The following MTOR variants were observed in gnomAD, a reference collection of about 807,000 sequenced individuals.
The protein encoded by MTOR is serine/threonine-protein kinase mTOR.
MTOR carries 70 observed loss-of-function variants against 319.8 expected under a neutral mutation model. The observed-to-expected ratio is 0.22, with a 90% CI of 0.18 to 0.27. The LOEUF (loss-of-function observed/expected upper bound fraction) is 0.27. MTOR is among the 10% of genes least tolerant of loss of function. The pLI is 1.00. For synonymous variants in MTOR, 1,183 were observed against 1,211.4 expected (o/e 0.98, Z 0.49); for missense variants, 1,890 against 3,274.4 (o/e 0.58, Z 10.32).
intron 4 of MTOR, 110 bp downstream of exon 4, chr1:11,256,823 G>T: frequency 9.7e-7 from 1 of 1,030,336 alleles, no homozygotes. Context: ...TGGAATCCTA[G>T]CTCTTCTAAC....
rs751644112 is a variant in MTOR at position 11,139,371 on chromosome 1, G to A, written c.5063C>T (p.Pro1688Leu). Residue 1688 changes from proline (P) to leucine (L), a missense_variant, in exon 36 of 58, where the codon CCT becomes CTT. Physicochemically the swap from Pro to Leu is moderately conservative, Grantham distance 98. This residue lies in a region of MTOR where 276 missense variants were observed against 459.4 expected (regional missense o/e 0.60). Transcript: ENST00000361445. Reference protein sequence around the residue: ...GVDPSRQLDHPLPTVHPQVTY... With the variant: ...GVDPSRQLDHLLPTVHPQVTY... Reference sequence around the variant, plus strand: ...CACCTGAGGGTGAACTGTTGGCAGAGGATGGTCAAGTTGCCGAGACGGATC... The same window carrying A: ...CACCTGAGGGTGAACTGTTGGCAGAAGATGGTCAAGTTGCCGAGACGGATC... The A allele has an allele frequency of 6.2e-7, 1 of 1,613,698 alleles. No individual in the cohort carries two copies. The highest frequency in any genetic ancestry group is 8.5e-7 in the Non-Finnish European group (1 of 1,179,912).
At chr1:11,258,163 C>T (rs182962850) in intron 3 of MTOR, among the ~76,000 whole-genome samples, 103 of 151,658 alleles carry the variant, frequency 6.8e-4, no homozygotes, top group African/African-American at 2.2e-3. Flanking sequence ...CTTTTCCATT[C>T]GTGAGCCCCA....
intron 16 of MTOR, among the ~76,000 whole-genome samples, chr1:11,232,046 C>T (rs938859014): frequency 1.3e-5 from 2 of 152,134 alleles, no homozygotes; most frequent in East Asian, 1.9e-4. Context: ...TAATTTTAGT[C>T]TAGTCATCTA....
At position 11,247,682 on chromosome 1, in the gene MTOR, T is replaced by C; in HGVS notation, c.1168A>G (p.Met390Val). ...CRNSKNSLIQ[M>V]TILNLLPRLA... ...CGGGGCAACAAATTAAGGATTGTCATTTGGATCAGCGAGTTCTTGCTATTC... is the reference window on the plus strand; with the variant it reads ...CGGGGCAACAAATTAAGGATTGTCACTTGGATCAGCGAGTTCTTGCTATTC... Residue 390 changes from methionine to valine, a missense_variant, in exon 8 of 58, where the codon ATG (methionine) becomes GTG (valine). This residue lies in a region of MTOR where 418 missense variants were observed against 543.1 expected (regional missense o/e 0.77). Coordinates refer to ENST00000361445, the MANE Select transcript of MTOR (RefSeq NM_004958.4). 1 of 1,614,166 alleles carries C rather than the reference T, an allele frequency of 6.2e-7. No homozygotes were observed. Among genetic ancestry groups the C allele is most frequent in the Non-Finnish European group, 8.5e-7 (1 of 1,180,030 alleles).
At chr1:11,211,588 A>T (rs1298593041) in intron 23 of MTOR, among the ~76,000 whole-genome samples, 1 of 152,110 alleles carries the variant, frequency 6.6e-6, no homozygotes, top group Non-Finnish European at 1.5e-5. Flanking sequence ...GTTGGTCTCC[A>T]ACTCCTGATC....
Position 11,204,579 on chromosome 1 carries a change from G to A in MTOR, c.3926C>T (p.Ala1309Val). The A allele has an allele frequency of 6.2e-7, 1 of 1,614,122 alleles. No individual in the cohort carries two copies. The highest frequency in any genetic ancestry group is 8.5e-7 in the Non-Finnish European group (1 of 1,179,974). Residue 1309 changes from alanine to valine, a missense_variant, in exon 26 of 58, where the codon GCC becomes GTC. Ala to Val is a moderately conservative substitution (Grantham distance 64). Transcript: ENST00000361445. ...ACTATACCTGGCCATCGGGTTGTAG[G>A]CCTGTGCCAGGGCCCAGCAGGAGCG... ...SLRSCWALAQ[A>V]YNPMARDLFN...
In MTOR at chr1:11,247,940, C is replaced by T; in HGVS notation, c.995G>A (p.Gly332Glu). 1 of 1,614,166 alleles carries T rather than the reference C, an allele frequency of 6.2e-7. No individual in the cohort carries two copies. Among genetic ancestry groups the T allele is most frequent in the Non-Finnish European group, 8.5e-7 (1 of 1,180,026 alleles). The change falls in exon 7 of 58, where the codon GGG (glycine) becomes GAG (glutamate). Residue 332 changes from glycine to glutamate, a missense_variant. Physicochemically the swap from Gly to Glu is moderately conservative, Grantham distance 98. Around this residue, in one of 15 missense-constraint regions of MTOR, gnomAD observed 418 missense variants for 543.1 expected, o/e 0.77. Transcript: ENST00000361445. Reference protein sequence around the residue: ...VQPQQSNALVGLLGYSSHQGL... With the variant: ...VQPQQSNALVELLGYSSHQGL... ...TTGGTGAGAGCTGTACCCCAGCAGC[C>T]CCACCAAGGCATTTGACTGCTGGGG...
rs1647050470 is a variant in MTOR at position 11,232,432 on chromosome 1, T to C, written c.2514+4A>G. On this transcript the variant is annotated splice_donor_region_variant and intron_variant, in intron 16 of 57. Coordinates refer to ENST00000361445, the MANE Select transcript of MTOR (RefSeq NM_004958.4). ...TTGCTCAATCAGGAAGCAGTAATAC[T>C]CACCTGCCTTTTGGCCAACAAAGAG... is the stretch of plus-strand genomic sequence containing the variant. The C allele has an allele frequency of 6.2e-7, 1 of 1,610,832 alleles. No homozygotes were observed. The highest frequency in any genetic ancestry group is 1.1e-5 in the South Asian group (1 of 91,012).
At position 11,238,405 on chromosome 1, in the gene MTOR, G is replaced by C; in HGVS notation, c.1999C>G (p.Pro667Ala). The C allele has an allele frequency of 6.2e-7, 1 of 1,613,842 alleles. No homozygotes were observed. Among genetic ancestry groups the C allele is most frequent in the Non-Finnish European group, 8.5e-7 (1 of 1,180,002 alleles). Residue 667 changes from proline (P) to alanine (A), a missense_variant, in exon 12 of 58, where the codon CCT becomes GCT. Pro to Ala is a conservative substitution (Grantham distance 27). Transcript: ENST00000361445. ...CCTTCTGTCTGGCAAGCCTTACCAG[G>C]ATCTGTTATCCCAACTACGAGCAGT... ...SKLLVVGITDPDPDIRYCVLA... is the reference protein window; with the variant it reads ...SKLLVVGITDADPDIRYCVLA...
intron 33 of MTOR, 23 bp downstream of exon 33, chr1:11,144,945 T>G: frequency 6.2e-7 from 1 of 1,610,694 alleles, no homozygotes; most frequent in South Asian, 1.1e-5. Flanking sequence ...AAAATGACAA[T>G]GTGCAGAATA....
chr1:11,143,509 A>G (rs1321272989), intron 34 of MTOR, among the ~76,000 whole-genome samples: 7 of 152,234 alleles, frequency 4.6e-5, no homozygotes, highest in Non-Finnish European at 7.3e-5. Flanking sequence ...CCATCAAAAC[A>G]TTCACTGGGC....
At chr1:11,239,772 A>T (rs982702961) in intron 11 of MTOR, among the ~76,000 whole-genome samples, 5 of 151,926 alleles carry the variant, frequency 3.3e-5, no homozygotes, top group Non-Finnish European at 7.4e-5. Flanking sequence ...GGGTGTGGTG[A>T]CACGCGCCTA....
intron 2 of MTOR, 113 bp from the exon 3 acceptor site, chr1:11,258,706 C>A (rs2076657): frequency 2.3e-5 from 16 of 697,562 alleles, no homozygotes; most frequent in East Asian, 7.9e-5. Flanking sequence ...TAGTTCAAAC[C>A]AAAGAAGACA....
intron 57 of MTOR, 34 bp from the exon 58 acceptor site, chr1:11,107,534 A>T (rs369319411): frequency 6.2e-7 from 1 of 1,609,908 alleles, no homozygotes; most frequent in Non-Finnish European, 8.5e-7. Flanking sequence ...ATATTTTAAT[A>T]ATTTGAGCTT....
chr1:11,244,995 T>C (rs1344806365), intron 8 of MTOR, among the ~76,000 whole-genome samples: 1 of 152,214 alleles, frequency 6.6e-6, no homozygotes, highest in East Asian at 1.9e-4. Context: ...CGTTAAGCAA[T>C]ATATGACTGT....
Position 11,144,769 on chromosome 1 carries a change from A to G in MTOR, c.4765-14T>C, listed in dbSNP as rs1441425041. ...AGAAACCATGGCCTGATGGAAGCAA[A>G]TCGCATTCCAAACTAATTACTGCAC... On this transcript the variant is annotated splice_polypyrimidine_tract_variant and intron_variant, in intron 33 of 57. Transcript: ENST00000361445. The G allele has an allele frequency of 6.2e-7, 1 of 1,609,370 alleles. No homozygotes were observed. The highest frequency in any genetic ancestry group is 1.1e-5 in the South Asian group (1 of 91,030).
intron 15 of MTOR, 152 bp downstream of exon 15, chr1:11,233,246 C>A: frequency 1.2e-6 from 1 of 819,116 alleles, no homozygotes; most frequent in South Asian, 1.6e-5. Flanking sequence ...TATTATTTCT[C>A]TCTGAATCTG....
intron 47 of MTOR, among the ~76,000 whole-genome samples, chr1:11,123,375 G>GC (rs1191106843): frequency 2.0e-5 from 3 of 149,444 alleles, no homozygotes; most frequent in Non-Finnish European, 4.4e-5. Context: ...TCCTGCCTCA[G>GC]CCCCCTGAGT....
chr1:11,186,782 G>A, intron 28 of MTOR, among the ~76,000 whole-genome samples: 1 of 152,096 alleles, frequency 6.6e-6, no homozygotes, highest in Non-Finnish European at 1.5e-5. Flanking sequence ...ATAAGGTTGT[G>A]GATGTTTTAG....
Sources: allele counts gnomAD v4.1 joint callset (sites outside exome capture counted in the v4.1 genomes callset), GRCh38; gene constraint gnomAD v4.1.1; regional missense constraint gnomAD v4.1.1; transcripts MANE v1.5; gene names NCBI Gene and HGNC (gene_info 2026-07-23, HGNC 2026-07-21).